Variants in CNTN1 observed in about 807,000 individuals in gnomAD.
CNTN1 encodes contactin-1.
CNTN1 carries 38 observed loss-of-function variants against 126.4 expected under a neutral mutation model. The observed-to-expected ratio is 0.30, with a 90% CI of 0.23 to 0.39. The LOEUF (loss-of-function observed/expected upper bound fraction) is 0.39, where lower values mean the gene tolerates loss of function less well. CNTN1 is among the 10% of genes least tolerant of loss of function. CNTN1 has a pLI of 1.00. For synonymous variants in CNTN1, 413 were observed against 422.6 expected (o/e 0.98, Z 0.28); for missense variants, 1,009 against 1,248.4 (o/e 0.81, Z 2.89).
intron 1 of CNTN1, among the ~76,000 whole-genome samples, chr12:40,755,425 G>A (rs1938568720): frequency 2.6e-4 from 1 of 3,870 alleles, no homozygotes; most frequent in African/African-American, 2.9e-4. Context: ...GATACAAGAA[G>A]AAAAAGAGCT....
chr12:41,032,558 T>A (rs951937928), intron 23 of CNTN1, among the ~76,000 whole-genome samples: 1 of 152,136 alleles, frequency 6.6e-6, no homozygotes, highest in Non-Finnish European at 1.5e-5. Flanking sequence ...CCTTGAGGCA[T>A]CTCTACTTGT....
At chr12:40,971,879 AT>A (rs1319122683) in intron 15 of CNTN1, 13 of 1,074,728 alleles carry the variant, frequency 1.2e-5, no homozygotes, top group Non-Finnish European at 1.4e-5. Context: ...GAGTATTGCC[AT>A]TGAATGTACT....
intron 23 of CNTN1, among the ~76,000 whole-genome samples, chr12:41,034,916 A>G (rs764300057): frequency 4.6e-5 from 7 of 152,216 alleles, no homozygotes; most frequent in Non-Finnish European, 1.0e-4. Context: ...GATTATTAAC[A>G]TAACTCCTGC....
chr12:41,017,767 A>G (rs745394158), intron 19 of CNTN1, among the ~76,000 whole-genome samples: 13 of 152,086 alleles, frequency 8.5e-5, no homozygotes, highest in Non-Finnish European at 1.6e-4. Flanking sequence ...TTAAGCTGCT[A>G]TACTTTTGTT....
chr12:40,768,371 C>T (rs1939205281), intron 1 of CNTN1, among the ~76,000 whole-genome samples: 1 of 152,212 alleles, frequency 6.6e-6, no homozygotes, highest in Non-Finnish European at 1.5e-5. Context: ...CATGTCAGTA[C>T]TTTTGTTAAA....
chr12:40,831,734 C>T (rs1941848362), intron 1 of CNTN1, among the ~76,000 whole-genome samples: 1 of 152,106 alleles, frequency 6.6e-6, no homozygotes, highest in Non-Finnish European at 1.5e-5. Context: ...CAAGACAACT[C>T]AGTGCAATAA....
At chr12:40,850,673 A>G (rs1942683758) in intron 1 of CNTN1, among the ~76,000 whole-genome samples, 1 of 152,182 alleles carries the variant, frequency 6.6e-6, no homozygotes, top group South Asian at 2.1e-4. Flanking sequence ...TTGCATGACT[A>G]GATGAATAAG....
intron 1 of CNTN1, among the ~76,000 whole-genome samples, chr12:40,817,799 G>A (rs1745530735): frequency 6.6e-6 from 1 of 152,020 alleles, no homozygotes; most frequent in South Asian, 2.1e-4. Context: ...TGCAGTGGCT[G>A]GTACTGGTTT....
At chr12:40,802,832 G>A (rs1009835993) in intron 1 of CNTN1, among the ~76,000 whole-genome samples, 12 of 152,000 alleles carry the variant, frequency 7.9e-5, no homozygotes, top group African/African-American at 2.7e-4. Flanking sequence ...CTGAAAGTCA[G>A]TAAGCAAAAT....
intron 17 of CNTN1, among the ~76,000 whole-genome samples, chr12:41,010,338 G>GT (rs912267161): frequency 1.3e-5 from 2 of 152,296 alleles, no homozygotes; most frequent in South Asian, 2.1e-4. Context: ...GGTTAAGGTG[G>GT]TTTTTTCTTG....
chr12:40,774,647 C>T (rs1302099784), intron 1 of CNTN1, among the ~76,000 whole-genome samples: 1 of 151,580 alleles, frequency 6.6e-6, no homozygotes, highest in Non-Finnish European at 1.5e-5. Flanking sequence ...AGTGTAATTT[C>T]ATGAATAACT....
chr12:41,025,013 G>A (rs1463483437), intron 20 of CNTN1, 137 bp from the exon 21 acceptor site: 2 of 867,050 alleles, frequency 2.3e-6, no homozygotes. Context: ...GCTGATAAAA[G>A]GGTAGATATC....
intron 14 of CNTN1, among the ~76,000 whole-genome samples, chr12:40,956,654 G>C (rs1294579392): frequency 1.3e-5 from 2 of 152,040 alleles, no homozygotes; most frequent in African/African-American, 4.8e-5. Flanking sequence ...AGAGCAGAGT[G>C]TGAGTGAGAT....
intron 1 of CNTN1, among the ~76,000 whole-genome samples, chr12:40,756,698 T>A (rs887017047): frequency 6.6e-6 from 1 of 152,136 alleles, no homozygotes; most frequent in African/African-American, 2.4e-5. Flanking sequence ...TCTTTATTAA[T>A]TAGTTCTTTG....
At chr12:40,737,216 A>C (rs1241082003) in intron 1 of CNTN1, among the ~76,000 whole-genome samples, 1 of 151,476 alleles carries the variant, frequency 6.6e-6, no homozygotes, top group Non-Finnish European at 1.5e-5. Flanking sequence ...ATTTGAAAAG[A>C]TAGGAAAATA....
intron 16 of CNTN1, among the ~76,000 whole-genome samples, chr12:40,992,809 C>T (rs1948124920): frequency 6.6e-6 from 1 of 152,176 alleles, no homozygotes; most frequent in Non-Finnish European, 1.5e-5. Context: ...CAGCTCCTTG[C>T]TATTCAAGGT....
chr12:40,837,514 A>G (rs552941594), intron 1 of CNTN1, among the ~76,000 whole-genome samples: 1 of 152,316 alleles, frequency 6.6e-6, no homozygotes, highest in East Asian at 1.9e-4. Context: ...TAGACTGCAG[A>G]AAGAAGGAAC....
chr12:40,747,022 A>G (rs1938212853), intron 1 of CNTN1, among the ~76,000 whole-genome samples: 1 of 151,996 alleles, frequency 6.6e-6, no homozygotes, highest in Admixed American at 6.6e-5. Flanking sequence ...GGGTACGGGG[A>G]GCCCTCTCCT....
At chr12:40,713,450 GTATA>G (rs147636685) in intron 1 of CNTN1, among the ~76,000 whole-genome samples, 2,645 of 149,070 alleles carry the variant, frequency 0.018, 48 homozygotes, top group Middle Eastern at 0.039. Flanking sequence ...ACTAAATAAA[GTATA>G]TATATATATA....
Sources: gnomAD v4.1 joint callset for allele counts (sites outside exome capture counted in the v4.1 genomes callset) on GRCh38, gnomAD v4.1.1 for gene constraint, MANE v1.5 for transcripts, NCBI Gene and HGNC (gene_info 2026-07-23, HGNC 2026-07-21) for gene names.